Variants in BRAF observed in about 807,000 individuals in gnomAD.
BRAF encodes the protein B-Raf proto-oncogene, serine/threonine kinase.
BRAF carries 16 observed loss-of-function variants against 104.6 expected under a neutral mutation model. The ratio of observed to expected loss-of-function variants is 0.15; its 90% CI spans 0.10 to 0.23. BRAF has a LOEUF of 0.23. Ranked by LOEUF, BRAF falls within the 10% of genes least tolerant of loss-of-function variation. BRAF has a pLI of 1.00. For missense variants in BRAF, 541 were observed against 937.3 expected (o/e 0.58, Z 5.52); for synonymous variants, 310 against 341.6 (o/e 0.91, Z 1.02).
At position 140,753,298 on chromosome 7, in the gene BRAF, A is replaced by G. The variant is rs757815219; in HGVS notation, c.1957T>C (p.Leu653=). Residue 653 remains leucine (L), a synonymous_variant, in exon 16 of 20, where the codon TTG becomes CTG. Coordinates refer to ENST00000644969, the MANE Select transcript of BRAF (RefSeq NM_001374258.1). ...RWSGSHQFEQ[L]SGSILWMAPE... ...ACCATCCACAAAATGGATCCAGACAACTGTTCAAACTGATGGGACCCACTC... is the reference window on the plus strand; with the variant it reads ...ACCATCCACAAAATGGATCCAGACAGCTGTTCAAACTGATGGGACCCACTC... 12 of 1,611,364 alleles carry G rather than the reference A, an allele frequency of 7.4e-6. No individual in the cohort carries two copies. Among genetic ancestry groups the G allele is most frequent in the Non-Finnish European group, 9.3e-6 (11 of 1,177,886 alleles).
chr7:140,723,401 T>C lies in BRAF; in HGVS notation c.*3093A>G. Reference sequence around the variant, plus strand: ...AGCATATATCATTTGTATGGGATTTTATCTTCTAAAATGCCCCAGTATGCC... The same window carrying C: ...AGCATATATCATTTGTATGGGATTTCATCTTCTAAAATGCCCCAGTATGCC... On this transcript the variant is annotated 3_prime_UTR_variant, in exon 20 of 20. Coordinates refer to ENST00000644969, the MANE Select transcript of BRAF (RefSeq NM_001374258.1). 1 of 1,054,776 alleles carries C rather than the reference T, an allele frequency of 9.5e-7. No homozygotes were observed. The highest frequency in any genetic ancestry group is 1.1e-6 in the Non-Finnish European group (1 of 872,854). The allele number at this position is 1,054,776 out of a possible 1,614,324, so 65.3% of individuals were successfully genotyped here. A position where few individuals can be genotyped will look rare whatever the true frequency, so the allele number is the denominator to read the frequency against.
At position 140,924,768 on chromosome 7, in the gene BRAF, A is replaced by T. The variant is rs1263851640; in HGVS notation, c.-65T>A. ...GCGGGGAGGGGGAAGGGAGGCGGAG[A>T]GCTGGGGGAGGCGGAGGCGGAGGCG... On this transcript the variant is annotated 5_prime_UTR_variant, in exon 1 of 20. Coordinates refer to ENST00000644969, the MANE Select transcript of BRAF (RefSeq NM_001374258.1). This position sits in a 1 kb window ranked among gnomAD's most constrained non-coding sequence, Gnocchi z 4.2. 35 of 610,518 alleles carry T rather than the reference A, an allele frequency of 5.7e-5. No individual in the cohort carries two copies. Among genetic ancestry groups the T allele is most frequent in the Non-Finnish European group, 5.9e-5 (21 of 353,048 alleles). The allele number at this position is 610,518 out of a possible 1,614,324, so 37.8% of individuals were successfully genotyped here. A position where few individuals can be genotyped will look rare whatever the true frequency, so the allele number is the denominator to read the frequency against.
intron 19 of BRAF, chr7:140,734,043 A>G (rs1194504734): frequency 1.9e-6 from 2 of 1,039,842 alleles, no homozygotes; most frequent in Non-Finnish European, 2.3e-6. Context: ...TATTGCTTCA[A>G]GGAAATAAAA....
At chr7:140,864,251 G>A (rs1810709181) in intron 1 of BRAF, among the ~76,000 whole-genome samples, 2 of 152,180 alleles carry the variant, frequency 1.3e-5, no homozygotes, top group African/African-American at 4.8e-5. Flanking sequence ...AGCAAGAGAT[G>A]ATTGCTTGGA....
intron 1 of BRAF, among the ~76,000 whole-genome samples, chr7:140,906,172 A>C (rs1472089260): frequency 6.6e-6 from 1 of 151,734 alleles, no homozygotes; most frequent in Non-Finnish European, 1.5e-5. Flanking sequence ...TCTCTCTGAC[A>C]ATACAAAGGT....
intron 1 of BRAF, among the ~76,000 whole-genome samples, chr7:140,903,864 A>C (rs1815973152): frequency 6.6e-6 from 1 of 152,262 alleles, no homozygotes; most frequent in Non-Finnish European, 1.5e-5. Flanking sequence ...TAGAAGCAGC[A>C]GAAGAACTAC....
chr7:140,722,341 T>C lies in BRAF; in HGVS notation c.*4153A>G. 14 of 1,055,330 alleles carry C rather than the reference T, an allele frequency of 1.3e-5. No homozygotes were observed. The highest frequency in any genetic ancestry group is 1.5e-5 in the Non-Finnish European group (13 of 873,026). The allele number at this position is 1,055,330 out of a possible 1,614,324, so 65.4% of individuals were successfully genotyped here. A position where few individuals can be genotyped will look rare whatever the true frequency, so the allele number is the denominator to read the frequency against. ...GTCTAAATTGCACTCTAAAAATTAT[T>C]AACACAGCTGAGTTAAACCAGAGTG... On this transcript the variant is annotated 3_prime_UTR_variant, in exon 20 of 20. Coordinates refer to ENST00000644969, the MANE Select transcript of BRAF (RefSeq NM_001374258.1).
intron 1 of BRAF, among the ~76,000 whole-genome samples, chr7:140,913,691 C>G (rs530647798): frequency 1.1e-3 from 171 of 151,910 alleles, no homozygotes; most frequent in Non-Finnish European, 1.7e-3. Context: ...ACCATGTTGG[C>G]CAGGATGGTC....
chr7:140,834,691 G>C lies in BRAF; in HGVS notation c.422C>G (p.Pro141Arg), dbSNP rs2129062039. The change falls in exon 3 of 20, where the codon CCC becomes CGC. Residue 141 changes from proline to arginine, a missense_variant. Pro to Arg is a moderately radical substitution (Grantham distance 103, BLOSUM62 -2). Around this residue, in one of 10 missense-constraint regions of BRAF, gnomAD observed 86 missense variants for 133.9 expected, o/e 0.64. Transcript: ENST00000644969. Reference sequence around the variant, plus strand: ...GGGGTTGCTCCGTGCCACATCTGTGGGATTTTGAAAAACTGAAAGAGATGA... The same window carrying C: ...GGGGTTGCTCCGTGCCACATCTGTGCGATTTTGAAAAACTGAAAGAGATGA... ...LPSSLSVFQN[P>R]TDVARSNPKS... 1 of 1,614,102 alleles carries C rather than the reference G, an allele frequency of 6.2e-7. No homozygotes were observed. Among genetic ancestry groups the C allele is most frequent in the Non-Finnish European group, 8.5e-7 (1 of 1,179,994 alleles).
chr7:140,803,424 CA>C (rs1265074410), intron 5 of BRAF, among the ~76,000 whole-genome samples: 1 of 151,854 alleles, frequency 6.6e-6, no homozygotes, highest in Non-Finnish European at 1.5e-5. Context: ...ATCTATGGTC[CA>C]AAAACATAAT....
intron 14 of BRAF, among the ~76,000 whole-genome samples, chr7:140,776,548 GA>G (rs1413710842): frequency 6.6e-6 from 1 of 152,128 alleles, no homozygotes; most frequent in East Asian, 1.9e-4. Context: ...GGCACTCAGA[GA>G]AACTGATTTG....
chr7:140,769,341 G>C (rs987773557), intron 14 of BRAF, among the ~76,000 whole-genome samples: 17 of 151,682 alleles, frequency 1.1e-4, no homozygotes, highest in African/African-American at 4.1e-4. Context: ...GCCTTCCAAG[G>C]TGCTGGAATT....
intron 3 of BRAF, among the ~76,000 whole-genome samples, chr7:140,816,840 C>A (rs982075648): frequency 6.6e-6 from 1 of 151,748 alleles, no homozygotes; most frequent in Non-Finnish European, 1.5e-5. Flanking sequence ...GACAACAGAC[C>A]CACAGCTAGA....
At chr7:140,764,504 A>T (rs2129009128) in intron 14 of BRAF, among the ~76,000 whole-genome samples, 1 of 151,468 alleles carries the variant, frequency 6.6e-6, no homozygotes, top group East Asian at 1.9e-4. Flanking sequence ...GAGGAAGTCA[A>T]ATTGTCCCTG....
intron 3 of BRAF, among the ~76,000 whole-genome samples, chr7:140,826,404 C>A (rs144571264): frequency 1.4e-4 from 21 of 152,268 alleles, no homozygotes; most frequent in Admixed American, 6.5e-4. Context: ...ACAAATGGTA[C>A]AATTAACATC....
intron 1 of BRAF, among the ~76,000 whole-genome samples, chr7:140,912,934 T>C (rs1489964968): frequency 6.6e-6 from 1 of 152,208 alleles, no homozygotes; most frequent in Non-Finnish European, 1.5e-5. Context: ...AAAGAGATCC[T>C]TCCCTAATCC....
intron 3 of BRAF, among the ~76,000 whole-genome samples, chr7:140,819,925 C>T (rs1196058063): frequency 6.6e-6 from 1 of 152,038 alleles, no homozygotes; most frequent in African/African-American, 2.4e-5. Flanking sequence ...TGTGAATATA[C>T]AAAAATCATT....
intron 18 of BRAF, among the ~76,000 whole-genome samples, chr7:140,737,186 T>C (rs1485232510): frequency 3.9e-5 from 6 of 152,242 alleles, no homozygotes; most frequent in Non-Finnish European, 8.8e-5. Context: ...CATTCTTATA[T>C]ATATCTGAAT....
At position 140,800,413 on chromosome 7, in the gene BRAF, G is replaced by A. The variant is rs757803696; in HGVS notation, c.929C>T (p.Thr310Ile). 1.1e-5 allele frequency: 18 copies of A among 1,614,104 alleles called. No individual in the cohort carries two copies. The highest frequency in any genetic ancestry group is 2.7e-5 in the African/African-American group (2 of 74,928). ...IPQEEASLAE[T>I]ALTSGSSPSA... ...AGGGGATGATCCAGATGTTAGGGCA[G>A]TCTCTGCTAAGGACGCCTCTTCCTG... Residue 310 changes from threonine (T) to isoleucine (I), a missense_variant, in exon 7 of 20, where the codon ACT (threonine) becomes ATT (isoleucine). Around this residue, in one of 10 missense-constraint regions of BRAF, gnomAD observed 79 missense variants for 74.6 expected, o/e 1.06. Transcript: ENST00000644969.
Sources: gnomAD v4.1 joint callset for allele counts (sites outside exome capture counted in the v4.1 genomes callset) on GRCh38, gnomAD v4.1.1 for gene constraint, gnomAD v4.1.1 regional missense constraint, Gnocchi (gnomAD v3.1) non-coding constraint, MANE v1.5 for transcripts, NCBI Gene and HGNC (gene_info 2026-07-23, HGNC 2026-07-21) for gene names.